The following EHMT1 variants were observed in gnomAD, a reference collection of about 807,000 sequenced individuals.
EHMT1 encodes the protein histone-lysine N-methyltransferase EHMT1.
EHMT1 carries 15 observed loss-of-function variants against 147.2 expected under a neutral mutation model. That is an observed-to-expected ratio of 0.10 (90% confidence interval 0.07 to 0.16). The LOEUF (loss-of-function observed/expected upper bound fraction) is 0.16, where lower values mean the gene tolerates loss of function less well. EHMT1 is among the 10% of genes least tolerant of loss of function. EHMT1 has a pLI of 1.00. For synonymous variants in EHMT1, 795 were observed against 709.6 expected, an observed-to-expected ratio of 1.12 and a Z score of -1.91; for missense variants, 1,587 against 1,772.4, an observed-to-expected ratio of 0.90 and a Z score of 1.88.
chr9:137,755,705 T>TC (rs1223724469), intron 8 of EHMT1, among the ~76,000 whole-genome samples: 13 of 152,330 alleles, frequency 8.5e-5, no homozygotes, highest in East Asian at 1.9e-4. Context: ...GCATTCCAGT[T>TC]CCCCTCTGTC....
chr9:137,669,869 G>T (rs1376205826), intron 1 of EHMT1, among the ~76,000 whole-genome samples: 1 of 151,570 alleles, frequency 6.6e-6, no homozygotes, highest in African/African-American at 2.4e-5. Context: ...GATTTTTTTG[G>T]AGACGGAGTC....
chr9:137,619,357 C>G (rs1208454077), intron 1 of EHMT1, among the ~76,000 whole-genome samples: 1 of 151,298 alleles, frequency 6.6e-6, no homozygotes. Flanking sequence ...CCCCCACGGA[C>G]CCCGTGCCGC....
chr9:137,774,203 G>T (rs1950775967), intron 10 of EHMT1, among the ~76,000 whole-genome samples: 2 of 152,242 alleles, frequency 1.3e-5, no homozygotes, highest in South Asian at 4.1e-4. Context: ...CATGTTTCCT[G>T]GATACCCAGC....
At chr9:137,654,012 T>C (rs1366234959) in intron 1 of EHMT1, among the ~76,000 whole-genome samples, 1 of 152,182 alleles carries the variant, frequency 6.6e-6, no homozygotes, top group Non-Finnish European at 1.5e-5. Flanking sequence ...CGCATATGGC[T>C]CTCCCGGTGT....
intron 1 of EHMT1, among the ~76,000 whole-genome samples, chr9:137,640,282 T>A (rs1844393198): frequency 6.6e-6 from 1 of 152,014 alleles, no homozygotes; most frequent in African/African-American, 2.4e-5. Flanking sequence ...TGTTTTGTTT[T>A]ATTTTTGTGT....
chr9:137,822,749 C>T (rs941503639), intron 25 of EHMT1, among the ~76,000 whole-genome samples: 9 of 152,060 alleles, frequency 5.9e-5, no homozygotes, highest in South Asian at 2.1e-4. Flanking sequence ...AAAAATTAGC[C>T]GGGTGTGGTG....
chr9:137,800,050 A>G (rs1239905235), intron 17 of EHMT1, among the ~76,000 whole-genome samples: 1 of 151,988 alleles, frequency 6.6e-6, no homozygotes, highest in African/African-American at 2.4e-5. Flanking sequence ...CTGTGACAGT[A>G]GGATGTGCAG....
At chr9:137,622,821 C>G (rs944559864) in intron 1 of EHMT1, among the ~76,000 whole-genome samples, 1 of 149,354 alleles carries the variant, frequency 6.7e-6, no homozygotes, top group South Asian at 2.1e-4. Flanking sequence ...GTGGGAGGAT[C>G]GCTTGATCCC....
At chr9:137,624,568 C>T (rs1319966838) in intron 1 of EHMT1, among the ~76,000 whole-genome samples, 1 of 152,158 alleles carries the variant, frequency 6.6e-6, no homozygotes, top group Non-Finnish European at 1.5e-5. Flanking sequence ...GATCCACCTT[C>T]CTCAGCCTCC....
rs374056389 is a variant in EHMT1, at chr9:137,813,470, C to T, written c.3120C>T (p.Tyr1040=). Reference sequence around the variant, plus strand: ...AGCCATGCCCCAGCAACTACAAGTACGTCTCTCAGAACTGCGTGACGTCCC... The same window carrying T: ...AGCCATGCCCCAGCAACTACAAGTATGTCTCTCAGAACTGCGTGACGTCCC... ...DSEPCPSNYK[Y]VSQNCVTSPM... is the part of the protein sequence containing the mutation. The change falls in exon 21 of 27, where the codon TAC becomes TAT. Residue 1040 remains tyrosine (Y), a synonymous_variant. Coordinates refer to ENST00000460843, the MANE Select transcript of EHMT1 (RefSeq NM_024757.5). This position sits in a 1 kb window ranked among gnomAD's most constrained non-coding sequence, Gnocchi z 4.9. 1.3e-5 allele frequency: 21 copies of T among 1,613,914 alleles called. No individual in the cohort carries two copies. Among genetic ancestry groups the T allele is most frequent in the Middle Eastern group, 3.3e-4 (2 of 6,084 alleles).
At chr9:137,765,942 G>T (rs1950189688) in intron 10 of EHMT1, among the ~76,000 whole-genome samples, 1 of 152,066 alleles carries the variant, frequency 6.6e-6, no homozygotes, top group Non-Finnish European at 1.5e-5. Flanking sequence ...CACTTAGGTG[G>T]CAACTCAGCA....
chr9:137,700,328 C>G (rs1006672558), intron 1 of EHMT1, among the ~76,000 whole-genome samples: 5 of 152,206 alleles, frequency 3.3e-5, no homozygotes, highest in Non-Finnish European at 7.3e-5. Context: ...CTGAGTTCTA[C>G]TTCACTATCT....
chr9:137,781,258 CGACGCTGGGACGTGTGGTGAT>C (rs1951499574), intron 14 of EHMT1, among the ~76,000 whole-genome samples: 8 of 54,682 alleles, frequency 1.5e-4, no homozygotes, highest in East Asian at 7.3e-4. Context: ...CGTGTGGTGA[CGACGCTGGGACGTGTGGTGAT>C]GACGCTGAGA....
intron 1 of EHMT1, among the ~76,000 whole-genome samples, chr9:137,666,801 T>G (rs978047769): frequency 4.6e-5 from 7 of 152,200 alleles, no homozygotes; most frequent in African/African-American, 1.4e-4. Flanking sequence ...AGTCTCCACT[T>G]GGATTTTCTA....
intron 4 of EHMT1, among the ~76,000 whole-genome samples, chr9:137,742,339 A>AG (rs1361120798): frequency 8.8e-6 from 1 of 114,226 alleles, no homozygotes; most frequent in South Asian, 2.9e-4. Context: ...GTGTAAGTAA[A>AG]GGGGGTCTCA....
chr9:137,654,442 T>C (rs1938218681), intron 1 of EHMT1, among the ~76,000 whole-genome samples: 1 of 150,230 alleles, frequency 6.7e-6, no homozygotes, highest in African/African-American at 2.4e-5. Context: ...AGTCTGTTTC[T>C]GAACTTTCAG....
intron 16 of EHMT1, among the ~76,000 whole-genome samples, chr9:137,794,518 G>A (rs990623570): frequency 6.6e-6 from 1 of 151,954 alleles, no homozygotes; most frequent in South Asian, 2.1e-4. Context: ...GTGGTGGCAC[G>A]TGCCTGTAGT....
At chr9:137,779,785 T>C (rs535875961) in intron 14 of EHMT1, 68 bp downstream of exon 14, 1 of 1,539,896 alleles carries the variant, frequency 6.5e-7, no homozygotes, top group East Asian at 2.3e-5. Context: ...CCGAGAGCAG[T>C]TGTTACTCCT....
At chr9:137,829,736 G>T (rs745759004) in intron 25 of EHMT1, among the ~76,000 whole-genome samples, 1 of 152,210 alleles carries the variant, frequency 6.6e-6, no homozygotes, top group Non-Finnish European at 1.5e-5. Flanking sequence ...ACATTTCTGT[G>T]TGCCCCCCGT....
Sources: gnomAD v4.1 joint callset for allele counts (sites outside exome capture counted in the v4.1 genomes callset) on GRCh38, gnomAD v4.1.1 for gene constraint, Gnocchi (gnomAD v3.1) non-coding constraint, MANE v1.5 for transcripts, NCBI Gene and HGNC (gene_info 2026-07-23, HGNC 2026-07-21) for gene names.